PRDM1: variants seen among roughly 807,000 people sequenced by gnomAD.
PRDM1 encodes the protein PR/SET domain 1, also known as PR domain zinc finger protein 1.
A neutral mutation model predicts 62.8 loss-of-function variants in PRDM1; 13 were observed. The ratio of observed to expected loss-of-function variants is 0.21; its 90% CI spans 0.13 to 0.33. The LOEUF (loss-of-function observed/expected upper bound fraction) is 0.33. PRDM1 is among the 10% of genes least tolerant of loss of function. PRDM1 has a pLI of 1.00. For synonymous variants in PRDM1, 396 were observed against 417.6 expected (o/e 0.95, Z 0.63); for missense variants, 895 against 1,058.8 (o/e 0.85, Z 2.15).
chr6:106,054,408 C>G (rs1773231768), intron 1 of PRDM1, among the ~76,000 whole-genome samples: 1 of 152,040 alleles, frequency 6.6e-6, no homozygotes, highest in South Asian at 2.1e-4. Flanking sequence ...CTATCTCTCT[C>G]TCACTTAAAA....
Position 106,092,373 on chromosome 6 carries a change from G to GT in PRDM1, c.292-3241dup, listed in dbSNP as rs569720823. Among the ~76,000 whole-genome samples the GT allele has an allele frequency of 1.9e-3, 287 of 152,312 alleles. 3 individuals are homozygous for GT. Among genetic ancestry groups the GT allele is most frequent in the African/African-American group, 6.7e-3 (280 of 41,560 alleles). ...TCTGCACCGCACATAAAGAGCTTCT[G>GT]TGGGAGCAGGTGAAGCAAGGAGGTA... On this transcript the variant is annotated intron_variant, in intron 2 of 6. Transcript: ENST00000369096.
At chr6:106,104,798 G>GT (rs1236917187) in intron 4 of PRDM1, 27 bp from the exon 5 acceptor site, 1 of 1,594,470 alleles carries the variant, frequency 6.3e-7, no homozygotes, top group Admixed American at 1.8e-5. Context: ...AGCCCTCTGT[G>GT]TAATCGCCCC....
chr6:106,107,448 A>T lies in PRDM1; in HGVS notation c.2440A>T (p.Lys814Ter). Residue 814 changes from lysine to a stop codon, truncating the protein, a stop_gained, in exon 7 of 7, where the codon AAG becomes TAG. Coordinates refer to ENST00000369096, the MANE Select transcript of PRDM1 (RefSeq NM_001198.4). LOFTEE classifies it high-confidence loss of function. Reference protein sequence around the residue: ...PSNPLPLVPVKVKQETVEPMD... With the variant: ...PSNPLPLVPV ...CAACCCACTACCTCTGGTACCTGTA[A>T]AGGTCAAACAAGAAACAGTTGAACC... 6.2e-7 allele frequency: 1 copy of T among 1,609,866 alleles called. No individual in the cohort carries two copies. Among genetic ancestry groups the T allele is most frequent in the South Asian group, 1.1e-5 (1 of 90,646 alleles).
In PRDM1 at chr6:106,109,358, C is replaced by T. The variant is rs1774619952; in HGVS notation, c.*1872C>T. 1 of 232,742 alleles carries T rather than the reference C, an allele frequency of 4.3e-6. No individual in the cohort carries two copies. Among genetic ancestry groups the T allele is most frequent in the African/African-American group, 2.2e-5 (1 of 45,302 alleles). The allele number at this position is 232,742 out of a possible 1,614,324, so 14.4% of individuals were successfully genotyped here. On this transcript the variant is annotated 3_prime_UTR_variant, in exon 7 of 7. Coordinates refer to ENST00000369096, the MANE Select transcript of PRDM1 (RefSeq NM_001198.4). The stretch of plus-strand genomic sequence containing the variant: ...CCAAGTCACAGAAATAAAAAACTGA[C>T]TTTACCGCTGCAATTTTTCTGTTTT...
At chr6:106,026,276 C>T (rs1424109755) in intron 1 of PRDM1, among the ~76,000 whole-genome samples, 2 of 151,970 alleles carry the variant, frequency 1.3e-5, no homozygotes, top group Non-Finnish European at 2.9e-5. Context: ...GTCGGGAGTT[C>T]GAGACCAGCC....
intron 1 of PRDM1, among the ~76,000 whole-genome samples, chr6:106,037,262 A>C (rs1169938031): frequency 6.6e-6 from 1 of 152,208 alleles, no homozygotes; most frequent in African/African-American, 2.4e-5. Context: ...ATGAGAAATC[A>C]GTTGATGATC....
intron 1 of PRDM1, among the ~76,000 whole-genome samples, chr6:106,036,048 G>A (rs1315768636): frequency 2.6e-5 from 4 of 152,148 alleles, no homozygotes; most frequent in Admixed American, 2.0e-4. Flanking sequence ...GATTACAGGC[G>A]TGAGTCACTG....
At chr6:106,071,394 TACAC>T (rs369398368) in intron 1 of PRDM1, among the ~76,000 whole-genome samples, 6 of 151,410 alleles carry the variant, frequency 4.0e-5, no homozygotes, top group South Asian at 2.1e-4. Context: ...TATATATATA[TACAC>T]ACACACACAC....
At chr6:106,098,944 A>G in intron 3 of PRDM1, 4 of 1,529,190 alleles carry the variant, frequency 2.6e-6, no homozygotes, top group Admixed American at 2.0e-5. Context: ...TGAAGTCAGT[A>G]GCATCGCCCA....
chr6:106,048,776 C>T (rs1312784805), intron 1 of PRDM1, among the ~76,000 whole-genome samples: 3 of 152,054 alleles, frequency 2.0e-5, no homozygotes, highest in Non-Finnish European at 2.9e-5. Flanking sequence ...TAACCTTTTC[C>T]ACTTCTTAGT....
chr6:106,099,876 A>G (rs907176607), intron 4 of PRDM1, among the ~76,000 whole-genome samples: 12 of 152,252 alleles, frequency 7.9e-5, no homozygotes, highest in African/African-American at 2.7e-4. Flanking sequence ...CATGCTGCGT[A>G]TGCAAGGTAT....
chr6:106,021,107 T>A (rs1772691983), intron 1 of PRDM1, among the ~76,000 whole-genome samples: 1 of 152,254 alleles, frequency 6.6e-6, no homozygotes, highest in Non-Finnish European at 1.5e-5. Flanking sequence ...TTGATAATCT[T>A]AAGAAAAACA....
intron 1 of PRDM1, among the ~76,000 whole-genome samples, chr6:106,025,650 A>G (rs892312027): frequency 7.2e-5 from 11 of 152,274 alleles, no homozygotes; most frequent in African/African-American, 2.6e-4. Flanking sequence ...TGCAAGAGTA[A>G]TTTTCATTTC....
At position 106,064,779 on chromosome 6, in the gene PRDM1, G is replaced by T. The variant is rs180976443; in HGVS notation, c.-67+16065G>T. Reference sequence around the variant, plus strand: ...TGATCAGGAGACTTTCTGGGGATAGGGTGGGAGCAGAGAACAGCACAGAGC... The same window carrying T: ...TGATCAGGAGACTTTCTGGGGATAGTGTGGGAGCAGAGAACAGCACAGAGC... On this transcript the variant is annotated intron_variant, in intron 1 of 6. Transcript: ENST00000651185. 2.0e-4 allele frequency among the ~76,000 whole-genome samples: 30 copies of T among 152,304 alleles called. No homozygotes were observed. In the East Asian group the frequency reaches 4.6e-3, roughly 24 times the overall value.
intron 1 of PRDM1, among the ~76,000 whole-genome samples, chr6:106,014,422 C>G (rs913959738): frequency 7.8e-6 from 1 of 128,752 alleles, no homozygotes; most frequent in Non-Finnish European, 1.6e-5. Context: ...GAAACAGTTT[C>G]TAGCACATAA....
At chr6:106,071,410 T>C (rs982049985) in intron 1 of PRDM1, among the ~76,000 whole-genome samples, 9 of 151,866 alleles carry the variant, frequency 5.9e-5, no homozygotes, top group East Asian at 1.9e-4. Flanking sequence ...CACACACACA[T>C]ACATACATAC....
chr6:106,047,618 C>A (rs556693152), upstream of PRDM1, among the ~76,000 whole-genome samples: 1 of 152,330 alleles, frequency 6.6e-6, no homozygotes, highest in African/African-American at 2.4e-5. Flanking sequence ...TTCTGTCATC[C>A]TTATCTTCCT....
At chr6:106,086,163 A>G (rs137973387), upstream of PRDM1, among the ~76,000 whole-genome samples, 245 of 152,348 alleles carry the variant, frequency 1.6e-3, 1 homozygote, top group African/African-American at 5.6e-3. Context: ...AGAAGATTCC[A>G]AGTCAATGTT....
rs36077280 is a variant in PRDM1, at chr6:106,109,091, CAAAA to C, written c.*1624_*1627del. Reference sequence around the variant, plus strand: ...GTAAAAGATCTACTTTTTCTAAGGGCAAAAAAAAAAAAAAAAAAAAAAGAACACT... The same window carrying C: ...GTAAAAGATCTACTTTTTCTAAGGGCAAAAAAAAAAAAAAAAAAGAACACT... On this transcript the variant is annotated 3_prime_UTR_variant, in exon 7 of 7. Transcript: ENST00000369096. 568 of 121,100 alleles carry C rather than the reference CAAAA, an allele frequency of 4.7e-3. No individual in the cohort carries two copies. Among genetic ancestry groups the C allele is most frequent in the East Asian group, 0.017 (127 of 7,520 alleles). The allele number at this position is 121,100 out of a possible 1,614,324, so 7.5% of individuals were successfully genotyped here. A position where few individuals can be genotyped will look rare whatever the true frequency, so the allele number is the denominator to read the frequency against.
Sources: allele counts gnomAD v4.1 joint callset (sites outside exome capture counted in the v4.1 genomes callset), GRCh38; gene constraint gnomAD v4.1.1; transcripts MANE v1.5; gene names NCBI Gene and HGNC (gene_info 2026-07-23, HGNC 2026-07-21).